The following LSM6 variants were observed in gnomAD, a reference collection of about 807,000 sequenced individuals.
LSM6 encodes LSM6 homolog, U6 small nuclear RNA and mRNA degradation associated, also known as U6 snRNA-associated Sm-like protein LSm6.
Under a neutral mutation model 13.5 loss-of-function variants are expected in LSM6, and 2 were observed. That is an observed-to-expected ratio of 0.15 (90% CI 0.06 to 0.47). The LOEUF is 0.47. Ranked by LOEUF, LSM6 falls within the 20% of genes least tolerant of loss-of-function variation. The probability of loss-of-function intolerance (pLI) is 0.97; values close to 1 mark genes in which losing one functional copy is unlikely to be tolerated. For missense variants in LSM6, 58 were observed against 96.4 expected (o/e 0.60, Z 1.67); for synonymous variants, 43 against 34.9 (o/e 1.23, Z -0.82).
At chr4:146,175,936 G>C (rs1382188881) in intron 1 of LSM6, 125 bp downstream of exon 1, 1 of 152,300 alleles carries the variant, frequency 6.6e-6, no homozygotes, top group Non-Finnish European at 1.5e-5. Context: ...GGCAGCCCCG[G>C]AAAGGGCCTG....
At chr4:146,177,629 T>A (rs947318237) in intron 1 of LSM6, among the ~76,000 whole-genome samples, 10 of 145,448 alleles carry the variant, frequency 6.9e-5, no homozygotes, top group Admixed American at 1.4e-4. Context: ...CAATTTTTTT[T>A]ATTTTTATTT....
chr4:146,184,354 C>T (rs1186500077), intron 2 of LSM6, among the ~76,000 whole-genome samples: 2 of 151,908 alleles, frequency 1.3e-5, no homozygotes, highest in African/African-American at 4.8e-5. Flanking sequence ...GAGCTTTTTC[C>T]TTTGAAATCT....
intron 2 of LSM6, among the ~76,000 whole-genome samples, chr4:146,184,687 C>T (rs1056951382): frequency 1.3e-4 from 20 of 152,030 alleles, no homozygotes; most frequent in African/African-American, 4.6e-4. Context: ...CTTCTCAGTA[C>T]CCACTTTATT....
At chr4:146,182,779 G>C (rs1297205836) in intron 1 of LSM6, 133 bp from the exon 2 acceptor site, 2 of 591,650 alleles carry the variant, frequency 3.4e-6, no homozygotes, top group African/African-American at 3.7e-5. Context: ...AGTAGCAGTG[G>C]AGTAATACGC....
In LSM6 at chr4:146,189,671, C is replaced by G; in HGVS notation, c.*15C>G. ...GACGGATGTGAAGACACCAAGAGAGCAACGCTTTTCATAGTTGGATATATT... is the reference window on the plus strand; with the variant it reads ...GACGGATGTGAAGACACCAAGAGAGGAACGCTTTTCATAGTTGGATATATT... On this transcript the variant is annotated 3_prime_UTR_variant, in exon 4 of 4. Coordinates refer to ENST00000296581, the MANE Select transcript of LSM6 (RefSeq NM_007080.3). The G allele has an allele frequency of 6.3e-7, 1 of 1,584,874 alleles. No homozygotes were observed. The highest frequency in any genetic ancestry group is 1.4e-5 in the African/African-American group (1 of 73,816).
At chr4:146,189,148 T>A (rs1446943517) in intron 3 of LSM6, among the ~76,000 whole-genome samples, 4 of 152,084 alleles carry the variant, frequency 2.6e-5, no homozygotes, top group African/African-American at 4.8e-5. Flanking sequence ...TATACCACCA[T>A]GCCTGGTTAA....
At chr4:146,179,370 A>G (rs1041408155) in intron 1 of LSM6, among the ~76,000 whole-genome samples, 3 of 152,226 alleles carry the variant, frequency 2.0e-5, no homozygotes, top group South Asian at 2.1e-4. Context: ...GAGCCAAGTG[A>G]TGGGAAAAAT....
chr4:146,188,783 G>A (rs780999945), intron 3 of LSM6, among the ~76,000 whole-genome samples: 3 of 151,786 alleles, frequency 2.0e-5, no homozygotes, highest in East Asian at 1.9e-4. Flanking sequence ...GACTTTTAAC[G>A]GGAACTCAGA....
intron 1 of LSM6, chr4:146,176,191 A>AT (rs1730103719): frequency 6.6e-6 from 1 of 152,272 alleles, no homozygotes; most frequent in African/African-American, 2.4e-5. Context: ...TAATCCCAAG[A>AT]TTCGGCGGGA....
At chr4:146,189,166 T>G (rs141044287) in intron 3 of LSM6, among the ~76,000 whole-genome samples, 2,699 of 152,170 alleles carry the variant, frequency 0.018, 34 homozygotes, top group Middle Eastern at 0.051. Flanking sequence ...TAATTTTTTG[T>G]ATTTTTGGTA....
rs1730439007 is a variant in LSM6, at chr4:146,190,144, C to T, written c.*488C>T. On this transcript the variant is annotated 3_prime_UTR_variant, in exon 4 of 4. Coordinates refer to ENST00000296581, the MANE Select transcript of LSM6 (RefSeq NM_007080.3). ...TCAGTCTGAAGCTACAAAAAGGGGC[C>T]ACAGGATCAGAAGTTCAGCCACTGA... 1.3e-5 allele frequency: 2 copies of T among 152,828 alleles called. No homozygotes were observed. Among genetic ancestry groups the T allele is most frequent in the Non-Finnish European group, 2.9e-5 (2 of 68,576 alleles). The allele number at this position is 152,828 out of a possible 1,614,324, so 9.5% of individuals were successfully genotyped here.
rs1048854157 is a variant in LSM6, at chr4:146,191,227, C to T, written c.*1571C>T. ...TGGATGGCTCTCCAAGTGGAGCATA[C>T]ATGTTCTCATTTGTTTTGTAGAATA... On this transcript the variant is annotated 3_prime_UTR_variant, in exon 4 of 4. Coordinates refer to ENST00000296581, the MANE Select transcript of LSM6 (RefSeq NM_007080.3). 2 of 152,192 alleles carry T rather than the reference C, an allele frequency of 1.3e-5. No homozygotes were observed. Among genetic ancestry groups the T allele is most frequent in the African/African-American group, 4.8e-5 (2 of 41,434 alleles). 9.4% of individuals were successfully genotyped at this position (152,192 alleles called of 1,614,324 possible). A position where few individuals can be genotyped will look rare whatever the true frequency, so the allele number is the denominator to read the frequency against.
At chr4:146,182,702 T>C (rs1416625266) in intron 1 of LSM6, among the ~76,000 whole-genome samples, 1 of 152,240 alleles carries the variant, frequency 6.6e-6, no homozygotes, top group African/African-American at 2.4e-5. Context: ...GATAAGATAA[T>C]GCATGTAGAA....
At chr4:146,177,512 G>T (rs1730137290) in intron 1 of LSM6, among the ~76,000 whole-genome samples, 2 of 152,146 alleles carry the variant, frequency 1.3e-5, no homozygotes, top group Non-Finnish European at 2.9e-5. Flanking sequence ...AAACACCCCT[G>T]ATTAATTATA....
intron 1 of LSM6, among the ~76,000 whole-genome samples, chr4:146,181,620 G>A (rs1645531268): frequency 6.6e-6 from 1 of 152,098 alleles, no homozygotes; most frequent in African/African-American, 2.4e-5. Context: ...AAAAAATAAT[G>A]GAAGAATATT....
intron 3 of LSM6, among the ~76,000 whole-genome samples, chr4:146,189,182 G>A (rs1013100812): frequency 6.6e-6 from 1 of 151,874 alleles, no homozygotes; most frequent in African/African-American, 2.4e-5. Context: ...TGGTAGAAAC[G>A]GGGTTTCACC....
chr4:146,176,833 C>T (rs1178472569), intron 1 of LSM6: 2 of 151,792 alleles, frequency 1.3e-5, no homozygotes, highest in African/African-American at 2.4e-5. Flanking sequence ...AAACTCTTTT[C>T]CCCCTATTTT....
intron 3 of LSM6, among the ~76,000 whole-genome samples, chr4:146,188,091 A>G (rs956112299): frequency 1.3e-5 from 2 of 152,150 alleles, no homozygotes; most frequent in African/African-American, 4.8e-5. Flanking sequence ...TCAACCCCCT[A>G]AATAGTTGGA....
chr4:146,188,924 G>T (rs1730406072), intron 3 of LSM6, among the ~76,000 whole-genome samples: 1 of 149,868 alleles, frequency 6.7e-6, no homozygotes, highest in Non-Finnish European at 1.5e-5. Flanking sequence ...AAAATATGTT[G>T]TTTATTCTTA....
Sources: gnomAD v4.1 joint callset for allele counts (sites outside exome capture counted in the v4.1 genomes callset) on GRCh38, gnomAD v4.1.1 for gene constraint, MANE v1.5 for transcripts, NCBI Gene and HGNC (gene_info 2026-07-23, HGNC 2026-07-21) for gene names.